The following HTR1F variants were observed in gnomAD, a reference collection of about 807,000 sequenced individuals.
HTR1F encodes the protein 5-hydroxytryptamine (serotonin) receptor 1F, G protein-coupled.
Under a neutral mutation model 24.0 loss-of-function variants are expected in HTR1F, and 17 were observed. The ratio of observed to expected loss-of-function variants is 0.71; its 90% CI spans 0.48 to 1.06. The LOEUF is 1.06. Ranked by LOEUF, HTR1F falls within the 50% of genes least tolerant of loss-of-function variation. The pLI, the probability that HTR1F is intolerant of heterozygous loss-of-function variation, is 0.00. For synonymous variants in HTR1F, 186 were observed against 156.8 expected (o/e 1.19, Z -1.39); for missense variants, 391 against 427.8 (o/e 0.91, Z 0.76).
intron 1 of HTR1F, among the ~76,000 whole-genome samples, chr3:87,818,575 C>T (rs1575904068): frequency 6.6e-6 from 1 of 152,126 alleles, no homozygotes. Context: ...TCCTGCCATG[C>T]CAAACAGTAG....
intron 2 of HTR1F, among the ~76,000 whole-genome samples, chr3:87,864,907 GAA>G (rs1705393245): frequency 3.0e-5 from 3 of 99,014 alleles, no homozygotes; most frequent in African/African-American, 1.2e-4. Flanking sequence ...AAAAAAAAAA[GAA>G]AAGAAAAGAA....
intron 2 of HTR1F, among the ~76,000 whole-genome samples, chr3:87,937,372 A>C (rs1471813919): frequency 6.6e-6 from 1 of 152,200 alleles, no homozygotes; most frequent in East Asian, 1.9e-4. Context: ...ACAAAACGAC[A>C]TGATTGTCTC....
intron 2 of HTR1F, among the ~76,000 whole-genome samples, chr3:87,967,118 T>C (rs914174899): frequency 1.3e-5 from 2 of 152,152 alleles, no homozygotes; most frequent in African/African-American, 4.8e-5. Context: ...TGACATTTGT[T>C]TAACTCTTTT....
chr3:87,912,539 A>C (rs1275381833), intron 2 of HTR1F, among the ~76,000 whole-genome samples: 1 of 149,658 alleles, frequency 6.7e-6, no homozygotes, highest in Non-Finnish European at 1.5e-5. Context: ...CAAACCACCT[A>C]TGACATTCTT....
At position 87,822,005 on chromosome 3, in the gene HTR1F, AAGG is replaced by A. The variant is rs1210842343; in HGVS notation, c.-156_-154del. On this transcript the variant is annotated splice_acceptor_variant and 5_prime_UTR_variant, in exon 2 of 3. Coordinates refer to ENST00000319595, the MANE Select transcript of HTR1F (RefSeq NM_001322209.2). LOFTEE classifies it low-confidence loss of function (5UTR_SPLICE). ...GATTTGTTTTATTCTTTGCTTTTTT[AAGG>A]AGGAGTTTGGGAGAGAATGAATTGG... Among the ~76,000 whole-genome samples, 5 of 152,134 alleles carry A rather than the reference AAGG, an allele frequency of 3.3e-5. No individual in the cohort carries two copies. The highest frequency in any genetic ancestry group is 1.2e-4 in the African/African-American group (5 of 41,430).
intron 2 of HTR1F, among the ~76,000 whole-genome samples, chr3:87,864,236 A>G (rs1284944670): frequency 1.3e-5 from 2 of 152,192 alleles, no homozygotes; most frequent in Non-Finnish European, 2.9e-5. Flanking sequence ...TCTGGGCATT[A>G]GAACATGGAC....
intron 2 of HTR1F, among the ~76,000 whole-genome samples, chr3:87,950,313 C>A (rs567938567): frequency 6.6e-6 from 1 of 152,232 alleles, no homozygotes; most frequent in African/African-American, 2.4e-5. Flanking sequence ...TAGCAAACAA[C>A]TTTTGTATAT....
At chr3:87,822,858 A>G (rs1704386191) in intron 2 of HTR1F, among the ~76,000 whole-genome samples, 1 of 152,228 alleles carries the variant, frequency 6.6e-6, no homozygotes, top group Non-Finnish European at 1.5e-5. Context: ...ATCTTTATTC[A>G]GGTCACTGAT....
intron 2 of HTR1F, among the ~76,000 whole-genome samples, chr3:87,916,993 A>T (rs1028992021): frequency 1.3e-5 from 2 of 152,128 alleles, no homozygotes; most frequent in Non-Finnish European, 2.9e-5. Context: ...TTTTAAGAAA[A>T]CTGAAATTAT....
intron 2 of HTR1F, among the ~76,000 whole-genome samples, chr3:87,946,707 C>A (rs1346506948): frequency 1.3e-5 from 2 of 151,240 alleles, no homozygotes; most frequent in South Asian, 2.1e-4. Flanking sequence ...CTCACTATAA[C>A]CTCTGCCTCC....
intron 2 of HTR1F, among the ~76,000 whole-genome samples, chr3:87,963,273 G>T (rs1338276990): frequency 1.3e-5 from 2 of 151,958 alleles, no homozygotes; most frequent in African/African-American, 4.8e-5. Flanking sequence ...ATATTTTCCT[G>T]TGCTTCTGGA....
At chr3:87,912,648 A>G (rs1304542343) in intron 2 of HTR1F, among the ~76,000 whole-genome samples, 2 of 151,402 alleles carry the variant, frequency 1.3e-5, no homozygotes, top group Non-Finnish European at 2.9e-5. Flanking sequence ...AAAAAAAAAA[A>G]AAAACAAAGC....
intron 2 of HTR1F, among the ~76,000 whole-genome samples, chr3:87,918,696 C>T (rs572228394): frequency 1.6e-3 from 248 of 151,968 alleles, no homozygotes; most frequent in African/African-American, 5.1e-3. Context: ...AGGAAAACTA[C>T]GAAACACTGC....
At chr3:87,869,830 A>G (rs1193476658) in intron 2 of HTR1F, among the ~76,000 whole-genome samples, 2 of 152,112 alleles carry the variant, frequency 1.3e-5, no homozygotes. Context: ...AACCTCTCAG[A>G]AAAACTTAAA....
intron 1 of HTR1F, among the ~76,000 whole-genome samples, chr3:87,815,460 A>G (rs1407312195): frequency 6.6e-6 from 1 of 152,082 alleles, no homozygotes; most frequent in Non-Finnish European, 1.5e-5. Flanking sequence ...TTTATTTGCT[A>G]TGTAATTACC....
intron 2 of HTR1F, among the ~76,000 whole-genome samples, chr3:87,977,983 G>C (rs1394857491): frequency 1.3e-5 from 2 of 152,184 alleles, no homozygotes; most frequent in African/African-American, 4.8e-5. Context: ...CCAAGGGTGA[G>C]CTAGATGCAT....
intron 2 of HTR1F, among the ~76,000 whole-genome samples, chr3:87,887,005 C>A (rs945924237): frequency 6.7e-6 from 1 of 150,092 alleles, no homozygotes; most frequent in African/African-American, 2.4e-5. Context: ...CGTAAAAGAG[C>A]CCACATTGCC....
chr3:87,953,627 G>A (rs1704882159), intron 2 of HTR1F, among the ~76,000 whole-genome samples: 2 of 151,648 alleles, frequency 1.3e-5, no homozygotes, highest in African/African-American at 2.4e-5. Flanking sequence ...CGCAGTGGGA[G>A]ATTTCTTCAA....
chr3:87,991,948 T>C lies in HTR1F; in HGVS notation c.*98T>C. 1.9e-6 allele frequency: 2 copies of C among 1,025,758 alleles called. No homozygotes were observed. Among genetic ancestry groups the C allele is most frequent in the Non-Finnish European group, 2.8e-6 (2 of 709,140 alleles). The allele number at this position is 1,025,758 out of a possible 1,614,324, so 63.5% of individuals were successfully genotyped here. On this transcript the variant is annotated 3_prime_UTR_variant, in exon 3 of 3. Coordinates refer to ENST00000319595, the MANE Select transcript of HTR1F (RefSeq NM_001322209.2). Reference sequence around the variant, plus strand: ...AAACACTTAAGCTTTTAGAGGGAAATACATGAAAACTGCTAAATTGATAAG... The same window carrying C: ...AAACACTTAAGCTTTTAGAGGGAAACACATGAAAACTGCTAAATTGATAAG...
Sources: gnomAD v4.1 joint callset for allele counts (sites outside exome capture counted in the v4.1 genomes callset) on GRCh38, gnomAD v4.1.1 for gene constraint, MANE v1.5 for transcripts, NCBI Gene and HGNC (gene_info 2026-07-23, HGNC 2026-07-21) for gene names.